The following GALNT16 variants were observed in gnomAD, a reference collection of about 807,000 sequenced individuals.
GALNT16 encodes the protein polypeptide N-acetylgalactosaminyltransferase 16.
GALNT16 carries 40 observed loss-of-function variants against 76.1 expected under a neutral mutation model. The ratio of observed to expected loss-of-function variants is 0.53; its 90% CI spans 0.41 to 0.68. The LOEUF (loss-of-function observed/expected upper bound fraction) is 0.68. GALNT16 is among the 30% of genes least tolerant of loss of function. The probability of loss-of-function intolerance (pLI) is 0.00; values close to 1 mark genes in which losing one functional copy is unlikely to be tolerated. For synonymous variants in GALNT16, 276 were observed against 285.2 expected (o/e 0.97, Z 0.32); for missense variants, 621 against 731.9 (o/e 0.85, Z 1.75).
At chr14:69,285,905 G>A (rs935648715) in intron 1 of GALNT16, among the ~76,000 whole-genome samples, 11 of 152,086 alleles carry the variant, frequency 7.2e-5, no homozygotes, top group African/African-American at 2.7e-4. Flanking sequence ...CCCCAACCCA[G>A]ATCTGCCTCA....
rs1359049725 is a variant in GALNT16, at chr14:69,296,172, AGAG to A, written c.178-24525_178-24523del. 8.0e-4 allele frequency among the ~76,000 whole-genome samples: 122 copies of A among 152,222 alleles called. 1 individual carries two copies. Among genetic ancestry groups the A allele is most frequent in the Middle Eastern group, 3.4e-3 (1 of 294 alleles). On this transcript the variant is annotated intron_variant, in intron 1 of 14. Coordinates refer to ENST00000448469, the MANE Select transcript of GALNT16 (RefSeq NM_001168368.2). ...TTCACATGGCCAGTGTAGGAGGAAG[AGAG>A]GAGGAGGAGGAGGTGCTAAATACTT...
At chr14:69,330,565 A>G (rs1451802089) in intron 6 of GALNT16, among the ~76,000 whole-genome samples, 1 of 152,246 alleles carries the variant, frequency 6.6e-6, no homozygotes, top group Non-Finnish European at 1.5e-5. Flanking sequence ...TCCACAGAGC[A>G]CTGAAAAACC....
chr14:69,339,809 G>A (rs2045464043), intron 11 of GALNT16, among the ~76,000 whole-genome samples, 190 bp downstream of exon 11: 1 of 152,264 alleles, frequency 6.6e-6, no homozygotes, highest in African/African-American at 2.4e-5. Flanking sequence ...GCTTTGAGGA[G>A]CGTGAAATCT....
chr14:69,276,464 C>T (rs879478555), intron 1 of GALNT16, among the ~76,000 whole-genome samples: 14 of 152,098 alleles, frequency 9.2e-5, no homozygotes, highest in Non-Finnish European at 1.3e-4. Flanking sequence ...GGGCGGATCA[C>T]GAGGTCAGGA....
At chr14:69,327,280 C>A (rs967908838) in intron 5 of GALNT16, among the ~76,000 whole-genome samples, 2 of 152,152 alleles carry the variant, frequency 1.3e-5, no homozygotes, top group Admixed American at 1.3e-4. Context: ...AACGCTTGAA[C>A]CCAGGAGGCA....
intron 1 of GALNT16, among the ~76,000 whole-genome samples, chr14:69,273,700 G>A (rs567942066): frequency 6.6e-6 from 1 of 152,214 alleles, no homozygotes; most frequent in Non-Finnish European, 1.5e-5. Flanking sequence ...TAGCTAAGGA[G>A]ATGTGTGACA....
intron 12 of GALNT16, among the ~76,000 whole-genome samples, chr14:69,343,535 G>C (rs1001935866): frequency 6.6e-6 from 1 of 152,234 alleles, no homozygotes; most frequent in Non-Finnish European, 1.5e-5. Context: ...AGCTGTGATG[G>C]GAAGAACATT....
At chr14:69,262,709 A>ACCCCCC (rs142797627) in intron 1 of GALNT16, among the ~76,000 whole-genome samples, 3 of 150,380 alleles carry the variant, frequency 2.0e-5, no homozygotes, top group African/African-American at 7.4e-5. Context: ...ACCAGCACTG[A>ACCCCCC]CCCCCCCGTC....
At chr14:69,260,935 T>C (rs2044261144) in intron 1 of GALNT16, among the ~76,000 whole-genome samples, 1 of 151,228 alleles carries the variant, frequency 6.6e-6, no homozygotes, top group South Asian at 2.1e-4. Flanking sequence ...GGTGGGGGCG[T>C]GGGTAGGGGA....
intron 7 of GALNT16, among the ~76,000 whole-genome samples, chr14:69,331,793 T>C (rs771384419): frequency 1.3e-5 from 2 of 152,194 alleles, no homozygotes; most frequent in African/African-American, 2.4e-5. Flanking sequence ...GACTAGTCTC[T>C]CATCTTTCCC....
At chr14:69,278,070 G>A (rs2044496988) in intron 1 of GALNT16, among the ~76,000 whole-genome samples, 1 of 150,508 alleles carries the variant, frequency 6.6e-6, no homozygotes, top group East Asian at 1.9e-4. Flanking sequence ...GTGCTGTGGT[G>A]CTATCAAAGC....
chr14:69,346,922 G>T (rs1594869559), intron 12 of GALNT16, 118 bp from the exon 13 acceptor site: 8 of 1,230,242 alleles, frequency 6.5e-6, no homozygotes, highest in Non-Finnish European at 9.5e-6. Context: ...CTGCTCCCGG[G>T]CCCCTTCCCA....
intron 12 of GALNT16, among the ~76,000 whole-genome samples, chr14:69,342,111 C>A (rs1243038845): frequency 6.6e-6 from 1 of 152,026 alleles, no homozygotes; most frequent in African/African-American, 2.4e-5. Flanking sequence ...ATAAAGCAAC[C>A]AAAGCAGAAG....
chr14:69,316,808 T>C (rs1163776648), intron 1 of GALNT16, among the ~76,000 whole-genome samples: 1 of 151,122 alleles, frequency 6.6e-6, no homozygotes, highest in Non-Finnish European at 1.5e-5. Flanking sequence ...ACGTGATGTA[T>C]CACAGGGTCC....
chr14:69,273,827 G>A lies in GALNT16; in HGVS notation c.177+13360G>A, dbSNP rs576162968. 1.4e-3 allele frequency among the ~76,000 whole-genome samples: 213 copies of A among 152,318 alleles called. 1 individual carries two copies. The highest frequency in any genetic ancestry group is 4.9e-3 in the African/African-American group (204 of 41,578). On this transcript the variant is annotated intron_variant, in intron 1 of 14. Transcript: ENST00000448469. Reference sequence around the variant, plus strand: ...GGCAAGATAGGACATAGTTAGAGCCGTAAACCCAAGAAGAGTAGGAATCTG... The same window carrying A: ...GGCAAGATAGGACATAGTTAGAGCCATAAACCCAAGAAGAGTAGGAATCTG...
the GALNT16 span, among the ~76,000 whole-genome samples, chr14:69,385,605 C>A: frequency 6.6e-6 from 1 of 151,334 alleles, no homozygotes; most frequent in Non-Finnish European, 1.5e-5. Context: ...CAGCTACAAC[C>A]CCATTTTTCT....
intron 1 of GALNT16, among the ~76,000 whole-genome samples, chr14:69,312,245 T>G (rs956730936): frequency 5.9e-5 from 9 of 152,146 alleles, no homozygotes; most frequent in African/African-American, 2.2e-4. Flanking sequence ...AGCAAGACCC[T>G]ATCTCTAAAA....
At chr14:69,377,804 CAAAAAAAAAAAA>C in the GALNT16 span, among the ~76,000 whole-genome samples, 24 of 37,488 alleles carry the variant, frequency 6.4e-4, 1 homozygote, top group Admixed American at 7.0e-3. Context: ...GAGACTGTCT[CAAAAAAAAAAAA>C]AAAAAAAAAA....
At chr14:69,271,726 C>T (rs1330851831) in intron 1 of GALNT16, among the ~76,000 whole-genome samples, 1 of 152,178 alleles carries the variant, frequency 6.6e-6, no homozygotes, top group Non-Finnish European at 1.5e-5. Context: ...ATGTTTAGAA[C>T]TTCGGTATGT....
Sources: allele counts gnomAD v4.1 joint callset (sites outside exome capture counted in the v4.1 genomes callset), GRCh38; gene constraint gnomAD v4.1.1; transcripts MANE v1.5; gene names NCBI Gene and HGNC (gene_info 2026-07-23, HGNC 2026-07-21).